The following EDA variants were observed in gnomAD, a reference collection of about 807,000 sequenced individuals.
EDA encodes the protein ectodysplasin-A.
Under a neutral mutation model 23.6 loss-of-function variants are expected in EDA, and 2 were observed. That is an observed-to-expected ratio of 0.08 (90% CI 0.03 to 0.27). The LOEUF (loss-of-function observed/expected upper bound fraction) is 0.27, where lower values mean the gene tolerates loss of function less well. Ranked by LOEUF, EDA falls within the 10% of genes least tolerant of loss-of-function variation. EDA has a pLI of 1.00. For missense variants in EDA, 229 were observed against 324.2 expected (o/e 0.71, Z 2.26); for synonymous variants, 131 against 132.0 (o/e 0.99, Z 0.05).
At chrX:69,790,827 G>T (rs1237690110) in intron 1 of EDA, among the ~76,000 whole-genome samples, 1 of 75,827 alleles carries the variant, frequency 1.3e-5, no homozygotes, top group Non-Finnish European at 2.4e-5. Flanking sequence ...AATTTTGTCA[G>T]CTAGTAATTT....
intron 1 of EDA, among the ~76,000 whole-genome samples, chrX:69,769,195 G>A (rs1388130455): frequency 9.0e-6 from 1 of 111,597 alleles, no homozygotes; most frequent in Non-Finnish European, 1.9e-5. Context: ...TTACTTGGTT[G>A]ATAGTGTTTG....
intron 1 of EDA, among the ~76,000 whole-genome samples, chrX:69,660,532 C>T (rs1933454578): frequency 9.3e-6 from 1 of 107,733 alleles, no homozygotes; most frequent in Non-Finnish European, 1.9e-5. Context: ...TGATGTTCCC[C>T]ACCCTGTGTC....
At chrX:69,698,505 T>C (rs149794406) in intron 1 of EDA, among the ~76,000 whole-genome samples, 1,200 of 111,536 alleles carry the variant, frequency 0.011, 14 homozygotes, top group African/African-American at 0.038. Flanking sequence ...TAAAAGACAG[T>C]GTCTGGATTA....
intron 1 of EDA, among the ~76,000 whole-genome samples, chrX:69,874,971 G>A (rs2017621341): frequency 8.9e-6 from 1 of 112,020 alleles, no homozygotes; most frequent in Non-Finnish European, 1.9e-5. Flanking sequence ...AAACACTGCT[G>A]AATGAAACAA....
intron 1 of EDA, among the ~76,000 whole-genome samples, chrX:69,768,134 C>G (rs921621996): frequency 1.6e-4 from 18 of 111,476 alleles, no homozygotes; most frequent in East Asian, 8.4e-4. Flanking sequence ...TTTTCCCCAT[C>G]TGTGGCTTGA....
At chrX:69,752,124 G>A (rs1343192424) in intron 1 of EDA, among the ~76,000 whole-genome samples, 1 of 111,289 alleles carries the variant, frequency 9.0e-6, no homozygotes, top group Non-Finnish European at 1.9e-5. Context: ...TTGAATAGGA[G>A]TGGTGAGAGA....
At chrX:69,711,544 A>G (rs2147328592) in intron 1 of EDA, among the ~76,000 whole-genome samples, 1 of 111,518 alleles carries the variant, frequency 9.0e-6, no homozygotes, top group African/African-American at 3.3e-5. Flanking sequence ...TTTTCTATTG[A>G]TTGGAATAGT....
intron 2 of EDA, among the ~76,000 whole-genome samples, chrX:69,982,376 C>T (rs2019422506): frequency 9.0e-6 from 1 of 111,095 alleles, no homozygotes; most frequent in African/African-American, 3.3e-5. Context: ...CACAAAGGAG[C>T]GTTGCATAGA....
At chrX:69,978,318 T>TAAAAAAAAAAAAAA (rs144187734) in intron 2 of EDA, among the ~76,000 whole-genome samples, 1 of 20,420 alleles carries the variant, frequency 4.9e-5, no homozygotes, top group African/African-American at 1.3e-4. Flanking sequence ...ACTCCATCTC[T>TAAAAAAAAAAAAAA]AAAAAAAAAA....
intron 1 of EDA, among the ~76,000 whole-genome samples, chrX:69,679,038 T>C (rs1934225143): frequency 1.0e-5 from 1 of 96,694 alleles, no homozygotes; most frequent in South Asian, 5.4e-4. Flanking sequence ...TGAAGGGTTG[T>C]TGAATTTTGT....
At chrX:70,024,991 C>G (rs143422807) in intron 3 of EDA, among the ~76,000 whole-genome samples, 1,464 of 111,775 alleles carry the variant, frequency 0.013, 28 homozygotes, top group African/African-American at 0.046. Flanking sequence ...TGAAGTTATC[C>G]TCTTGCTCCA....
chrX:69,902,301 T>C (rs998508349), intron 1 of EDA, among the ~76,000 whole-genome samples: 2 of 112,002 alleles, frequency 1.8e-5, no homozygotes, highest in African/African-American at 6.5e-5. Flanking sequence ...ACCCTAAAGA[T>C]GGAGCTTTGG....
At chrX:69,804,435 T>C (rs746236456) in intron 1 of EDA, among the ~76,000 whole-genome samples, 16 of 98,161 alleles carry the variant, frequency 1.6e-4, no homozygotes, top group African/African-American at 6.3e-4. Context: ...GCTGAGGTTA[T>C]ACTTTAATCA....
At chrX:69,768,829 G>C (rs868597097) in intron 1 of EDA, among the ~76,000 whole-genome samples, 1 of 111,128 alleles carries the variant, frequency 9.0e-6, no homozygotes, top group African/African-American at 3.3e-5. Flanking sequence ...TCCTAACGTA[G>C]GCATTTAGTG....
chrX:69,658,026 G>A (rs150058786), intron 1 of EDA, among the ~76,000 whole-genome samples: 1,541 of 111,359 alleles, frequency 0.014, 19 homozygotes, highest in African/African-American at 0.046. Context: ...TAATTTGATA[G>A]GAATAGCATT....
At chrX:69,853,016 A>G (rs189420561) in intron 1 of EDA, among the ~76,000 whole-genome samples, 241 of 112,589 alleles carry the variant, frequency 2.1e-3, no homozygotes, top group African/African-American at 7.5e-3. Context: ...ACATGAATTC[A>G]CAATAAAAAA....
At chrX:69,922,876 G>T (rs2018456478) in intron 1 of EDA, among the ~76,000 whole-genome samples, 1 of 111,123 alleles carries the variant, frequency 9.0e-6, no homozygotes, top group Non-Finnish European at 1.9e-5. Flanking sequence ...TAAGCAAGAT[G>T]CCTATAAGAT....
intron 1 of EDA, among the ~76,000 whole-genome samples, chrX:69,902,423 CCTG>C (rs1405219599): frequency 1.8e-5 from 2 of 111,056 alleles, no homozygotes; most frequent in Non-Finnish European, 3.8e-5. Context: ...GATTCTTTGT[CCTG>C]CTTGCTTGCT....
intron 1 of EDA, among the ~76,000 whole-genome samples, chrX:69,788,979 G>T (rs2015305654): frequency 8.9e-6 from 1 of 112,746 alleles, no homozygotes; most frequent in Non-Finnish European, 1.9e-5. Flanking sequence ...GCCAGGTGCG[G>T]GATATAATCT....
Sources: gnomAD v4.1 joint callset for allele counts (sites outside exome capture counted in the v4.1 genomes callset) on GRCh38, gnomAD v4.1.1 for gene constraint, MANE v1.5 for transcripts, NCBI Gene and HGNC (gene_info 2026-07-23, HGNC 2026-07-21) for gene names.